SORCS1: variants seen among roughly 807,000 people sequenced by gnomAD.
The protein encoded by SORCS1 is VPS10 domain-containing receptor SorCS1.
In SORCS1, 60 loss-of-function variants were observed where a neutral mutation model predicts 146.1. That is an observed-to-expected ratio of 0.41 (90% CI 0.33 to 0.51). SORCS1 has a LOEUF of 0.51. Among genes scored for constraint, SORCS1 ranks in the 20% least tolerant of loss-of-function variants. The probability of loss-of-function intolerance (pLI) is 0.21; values close to 1 mark genes in which losing one functional copy is unlikely to be tolerated. For missense variants in SORCS1, 1,352 were observed against 1,487.6 expected (o/e 0.91, Z 1.50); for synonymous variants, 637 against 584.0 (o/e 1.09, Z -1.31).
At chr10:107,167,916 T>A (rs935068374), upstream of SORCS1, among the ~76,000 whole-genome samples, 3 of 151,942 alleles carry the variant, frequency 2.0e-5, no homozygotes, top group Non-Finnish European at 2.9e-5. Flanking sequence ...GTGTGCACAA[T>A]CAAAAAAGTG....
chr10:106,593,497 A>G (rs989490094), intron 24 of SORCS1, among the ~76,000 whole-genome samples: 11 of 152,194 alleles, frequency 7.2e-5, no homozygotes, highest in African/African-American at 2.7e-4. Flanking sequence ...CAATATAGCA[A>G]AAGTTTCCAA....
chr10:106,620,942 C>T (rs1362362052), intron 19 of SORCS1, among the ~76,000 whole-genome samples: 1 of 152,178 alleles, frequency 6.6e-6, no homozygotes, highest in African/African-American at 2.4e-5. Flanking sequence ...CTCATAGAAT[C>T]CATATTGATG....
At chr10:107,103,406 G>C (rs1008733896) in intron 1 of SORCS1, among the ~76,000 whole-genome samples, 1 of 152,200 alleles carries the variant, frequency 6.6e-6, no homozygotes, top group Admixed American at 6.5e-5. Flanking sequence ...AACACTGGAA[G>C]TCCTGCCCAT....
rs74595214 is a variant in SORCS1 at position 106,618,614 on chromosome 10, T to C, written c.2797-342A>G. Among the ~76,000 whole-genome samples the C allele has an allele frequency of 1.9e-3, 293 of 152,268 alleles. 1 individual carries two copies. Among genetic ancestry groups the C allele is most frequent in the Middle Eastern group, 6.8e-3 (2 of 294 alleles). On this transcript the variant is annotated intron_variant, in intron 20 of 25. Coordinates refer to ENST00000263054, the MANE Select transcript of SORCS1 (RefSeq NM_052918.5). ...CAAGCAGATCCCTAATACAAGGAAATGATCAAAGCAAATGAGAACGGGGGC... is the reference window on the plus strand; with the variant it reads ...CAAGCAGATCCCTAATACAAGGAAACGATCAAAGCAAATGAGAACGGGGGC...
intron 18 of SORCS1, among the ~76,000 whole-genome samples, chr10:106,636,559 T>C (rs1228720060): frequency 6.6e-6 from 1 of 152,086 alleles, no homozygotes; most frequent in Non-Finnish European, 1.5e-5. Flanking sequence ...GCACGTCTTG[T>C]AGGAGGAACT....
intron 20 of SORCS1, among the ~76,000 whole-genome samples, chr10:106,618,521 T>C (rs1022163978): frequency 6.6e-6 from 1 of 152,184 alleles, no homozygotes; most frequent in Non-Finnish European, 1.5e-5. Context: ...GATTCAGGGC[T>C]GGGGAGATGG....
intron 2 of SORCS1, among the ~76,000 whole-genome samples, chr10:106,863,915 C>A (rs1950124999): frequency 6.6e-6 from 1 of 151,782 alleles, no homozygotes; most frequent in African/African-American, 2.4e-5. Flanking sequence ...TTGAGATGAA[C>A]ACTGTGTAGA....
chr10:106,602,479 C>T (rs1187208430), intron 23 of SORCS1, among the ~76,000 whole-genome samples: 1 of 148,946 alleles, frequency 6.7e-6, no homozygotes, highest in East Asian at 2.0e-4. Flanking sequence ...ATACTAAATT[C>T]TAATTAACAG....
rs1480782620 is a variant in SORCS1 at position 106,853,422 on chromosome 10, G to T, written c.627-23749C>A. 7.9e-5 allele frequency among the ~76,000 whole-genome samples: 12 copies of T among 151,070 alleles called. No individual in the cohort carries two copies. The East Asian group carries it at 1.7e-3, about 22-fold the overall frequency. On this transcript the variant is annotated intron_variant, in intron 2 of 25. Transcript: ENST00000263054. ...ATTTTTTTTTTTTTCCAAAAAAACA[G>T]GTTTTGGTTTTGTTGATTATCTATT...
chr10:107,069,235 A>AT (rs1962205688), intron 1 of SORCS1, among the ~76,000 whole-genome samples: 1 of 152,182 alleles, frequency 6.6e-6, no homozygotes, highest in African/African-American at 2.4e-5. Flanking sequence ...AGGGGATGTG[A>AT]TTACAAAACT....
At chr10:107,113,176 T>C (rs1965805930) in intron 1 of SORCS1, among the ~76,000 whole-genome samples, 1 of 152,064 alleles carries the variant, frequency 6.6e-6, no homozygotes, top group African/African-American at 2.4e-5. Context: ...CACAATGGTA[T>C]AAAACTATAA....
chr10:106,653,577 A>G (rs1053073971), intron 17 of SORCS1, among the ~76,000 whole-genome samples: 1 of 152,242 alleles, frequency 6.6e-6, no homozygotes, highest in Admixed American at 6.5e-5. Flanking sequence ...CACATAAAAG[A>G]ATGTATGCAG....
Position 106,688,237 on chromosome 10 carries a change from C to T in SORCS1, c.1515G>A (p.Gln505=), listed in dbSNP as rs2135634706. Residue 505 remains glutamine, a synonymous_variant, in exon 10 of 26, where the codon CAG becomes CAA. Coordinates refer to ENST00000263054, the MANE Select transcript of SORCS1 (RefSeq NM_052918.5). ...CCCCCCTTAGATCCGTGTCCGGCGC[C>T]TGCAGCAAACGCCAGTCTCTGCCTT... ...YNKGRDWRLL[Q]APDTDLRGDP... The T allele has an allele frequency of 1.2e-6, 2 of 1,614,098 alleles. No individual in the cohort carries two copies. Among genetic ancestry groups the T allele is most frequent in the East Asian group, 2.2e-5 (1 of 44,880 alleles).
At chr10:106,691,272 C>T (rs1853273463) in intron 9 of SORCS1, among the ~76,000 whole-genome samples, 1 of 152,268 alleles carries the variant, frequency 6.6e-6, no homozygotes, top group South Asian at 2.1e-4. Flanking sequence ...TTTCTGATGA[C>T]AAACCTCCCA....
intron 4 of SORCS1, among the ~76,000 whole-genome samples, chr10:106,772,352 T>A (rs758297745): frequency 2.6e-4 from 40 of 152,186 alleles, no homozygotes; most frequent in Non-Finnish European, 4.3e-4. Flanking sequence ...AAACTTGGAC[T>A]GAATTATACC....
intron 1 of SORCS1, among the ~76,000 whole-genome samples, chr10:107,140,926 C>A (rs1224417007): frequency 6.6e-6 from 1 of 152,100 alleles, no homozygotes; most frequent in Non-Finnish European, 1.5e-5. Flanking sequence ...ACGGCAGAAC[C>A]AGGAATTCAA....
intron 2 of SORCS1, among the ~76,000 whole-genome samples, chr10:106,835,992 C>T (rs1262249591): frequency 2.8e-5 from 4 of 143,280 alleles, no homozygotes; most frequent in African/African-American, 5.3e-5. Flanking sequence ...GCAACAGGAG[C>T]GAGACTGCGT....
intron 1 of SORCS1, among the ~76,000 whole-genome samples, chr10:107,009,455 G>A (rs1957597429): frequency 6.6e-6 from 1 of 152,178 alleles, no homozygotes; most frequent in Non-Finnish European, 1.5e-5. Flanking sequence ...AAGTATGAAT[G>A]TTTAAATTGA....
chr10:107,010,427 C>CTTTA (rs1208933242), intron 1 of SORCS1, among the ~76,000 whole-genome samples: 1 of 55,446 alleles, frequency 1.8e-5, no homozygotes, highest in African/African-American at 1.2e-4. Context: ...CAAGGCATAA[C>CTTTA]TTTATTTTTT....
Sources: gnomAD v4.1 joint callset for allele counts (sites outside exome capture counted in the v4.1 genomes callset) on GRCh38, gnomAD v4.1.1 for gene constraint, MANE v1.5 for transcripts, NCBI Gene and HGNC (gene_info 2026-07-23, HGNC 2026-07-21) for gene names.